TMEM9B: variants seen among roughly 807,000 people sequenced by gnomAD.
TMEM9B encodes the protein TMEM9 domain family member B, also known as transmembrane protein 9B.
In TMEM9B, 8 loss-of-function variants were observed where a neutral mutation model predicts 23.5. The ratio of observed to expected loss-of-function variants is 0.34; its 90% confidence interval spans 0.20 to 0.61. The LOEUF (loss-of-function observed/expected upper bound fraction) is 0.61. Among genes scored for constraint, TMEM9B ranks in the 20% least tolerant of loss-of-function variants. The pLI is 0.78. For missense variants in TMEM9B, 197 were observed against 252.3 expected (o/e 0.78, Z 1.49); for synonymous variants, 106 against 96.3 (o/e 1.10, Z -0.59).
rs1853816034 is a variant in TMEM9B, at chr11:8,948,466, G to C, written c.451C>G (p.Pro151Ala). Reference protein sequence around the residue: ...QSDDDIGDHQPFANAHDVLAR... With the variant: ...QSDDDIGDHQAFANAHDVLAR... ...AGCACATCGTGTGCATTTGCAAAAG[G>C]CTGGTGATCCTAAAAGTCCAGGAAT... The change falls in exon 5 of 5, where the codon CCT (proline) becomes GCT (alanine). Residue 151 changes from proline to alanine, a missense_variant. By Grantham distance (27) the Pro-to-Ala change is conservative. Coordinates refer to ENST00000534025, the MANE Select transcript of TMEM9B (RefSeq NM_020644.3). The C allele has an allele frequency of 6.2e-7, 1 of 1,613,772 alleles. No homozygotes were observed. The highest frequency in any genetic ancestry group is 1.7e-5 in the Admixed American group (1 of 59,966).
rs1589949634 is a variant in TMEM9B at position 8,963,132 on chromosome 11, A to G, written c.106-949T>C. ...GTAAAGGAGACTGAAAAATAAATAC[A>G]TGATCACAATACATAAAGTTATGAG... On this transcript the variant is annotated intron_variant, in intron 1 of 4. Coordinates refer to ENST00000534025, the MANE Select transcript of TMEM9B (RefSeq NM_020644.3). 2.0e-5 allele frequency among the ~76,000 whole-genome samples: 3 copies of G among 152,348 alleles called. No homozygotes were observed. In the Middle Eastern group the frequency reaches 0.01, roughly 518 times the overall value.
At chr11:8,951,650 T>C (rs952653693) in intron 4 of TMEM9B, among the ~76,000 whole-genome samples, 3 of 150,108 alleles carry the variant, frequency 2.0e-5, no homozygotes, top group African/African-American at 4.9e-5. Flanking sequence ...TCCAGCTACT[T>C]GGGAGGCTGA....
In TMEM9B at chr11:8,964,369, G is replaced by GGGCTC. The variant is rs1555229147; in HGVS notation, c.-61_-57dup. ...AGCCCCCGCGACCGGCTCCCGGCTC[G>GGGCTC]GGCTCAGGCTCAGGCTCAGGCTCAG... On this transcript the variant is annotated 5_prime_UTR_variant, in exon 1 of 5. Transcript: ENST00000534025. The GGGCTC allele has an allele frequency of 4.7e-5, 72 of 1,516,026 alleles. No individual in the cohort carries two copies. The highest frequency in any genetic ancestry group is 7.9e-6 in the Non-Finnish European group (9 of 1,135,108). 93.9% of individuals were successfully genotyped at this position (1,516,026 alleles called of 1,614,324 possible).
intron 4 of TMEM9B, among the ~76,000 whole-genome samples, chr11:8,949,868 C>T (rs1296014926): frequency 6.7e-6 from 1 of 149,442 alleles, no homozygotes; most frequent in Admixed American, 6.8e-5. Flanking sequence ...CACTATATTG[C>T]CCAGACTGGC....
chr11:8,964,037 C>T (rs2134880757), intron 1 of TMEM9B, 172 bp downstream of exon 1: 1 of 644,898 alleles, frequency 1.6e-6, no homozygotes, highest in East Asian at 3.1e-5. Flanking sequence ...GCGAGAGTGC[C>T]GCCGGGCAGT....
chr11:8,964,586 T>C, upstream of TMEM9B: 1 of 832,210 alleles, frequency 1.2e-6, no homozygotes, highest in Non-Finnish European at 1.7e-6. Context: ...GAAGGGGGCC[T>C]CTGGGGTGGC....
chr11:8,958,155 G>A (rs1406350486), intron 2 of TMEM9B, among the ~76,000 whole-genome samples: 2 of 39,404 alleles, frequency 5.1e-5, no homozygotes, highest in Non-Finnish European at 8.9e-5. Flanking sequence ...GCGAAACTCC[G>A]TCTCAAAAAA....
Position 8,948,376 on chromosome 11 carries a change from G to A in TMEM9B, c.541C>T (p.Leu181Phe), listed in dbSNP as rs537280182. ...KVEYAQQRWKLQVQEQRKSVF... is the reference protein window; with the variant it reads ...KVEYAQQRWKFQVQEQRKSVF... The stretch of plus-strand genomic sequence containing the variant: ...GACTTTCGCTGCTCTTGGACTTGAA[G>A]CTTCCAGCGCTGCTGTGCATATTCT... The change falls in exon 5 of 5, where the codon CTT becomes TTT. Residue 181 changes from leucine (L) to phenylalanine (F), a missense_variant. This residue lies in a region of TMEM9B where 141 missense variants were observed against 214.1 expected (regional missense o/e 0.66). Transcript: ENST00000534025. The A allele has an allele frequency of 6.2e-7, 1 of 1,614,234 alleles. No individual in the cohort carries two copies. The highest frequency in any genetic ancestry group is 1.1e-5 in the South Asian group (1 of 91,090).
chr11:8,962,112 CTTA>C lies in TMEM9B; in HGVS notation c.174_176del (p.Asn58del). On this transcript the variant is annotated inframe_deletion, in exon 2 of 5. Transcript: ENST00000534025. ...CTTACCAATCTTTCTGAGATATGTT[CTTA>C]TTATAAATATGCCCAGAATTTTCTT... 1.3e-6 allele frequency: 2 copies of C among 1,596,068 alleles called. No individual in the cohort carries two copies. The highest frequency in any genetic ancestry group is 8.5e-7 in the Non-Finnish European group (1 of 1,172,394).
chr11:8,947,275 A>G lies in TMEM9B; in HGVS notation c.*1045T>C, dbSNP rs1465473047. On this transcript the variant is annotated 3_prime_UTR_variant, in exon 5 of 5. Transcript: ENST00000534025. ...AGGGAGGAGGAAAAAACTAGGAGAC[A>G]TAGATAGATACACTGATGGATGTTT... 3.9e-5 allele frequency: 6 copies of G among 152,780 alleles called. No individual in the cohort carries two copies. In the East Asian group the frequency reaches 1.2e-3, roughly 29 times the overall value. The allele number at this position is 152,780 out of a possible 1,614,324, so 9.5% of individuals were successfully genotyped here.
chr11:8,948,477 TA>T lies in TMEM9B; in HGVS notation c.442-3del, dbSNP rs755237133. 1 of 1,613,538 alleles carries T rather than the reference TA, an allele frequency of 6.2e-7. No individual in the cohort carries two copies. The highest frequency in any genetic ancestry group is 1.1e-5 in the South Asian group (1 of 91,002). On this transcript the variant is annotated splice_region_variant and splice_polypyrimidine_tract_variant and intron_variant, in intron 4 of 4. Transcript: ENST00000534025. ...TGCATTTGCAAAAGGCTGGTGATCCTAAAAGTCCAGGAATGGAGAACATTAG... is the reference window on the plus strand; with the variant it reads ...TGCATTTGCAAAAGGCTGGTGATCCTAAAGTCCAGGAATGGAGAACATTAG...
Position 8,948,273 on chromosome 11 carries a change from C to T in TMEM9B, c.*47G>A. On this transcript the variant is annotated 3_prime_UTR_variant, in exon 5 of 5. Coordinates refer to ENST00000534025, the MANE Select transcript of TMEM9B (RefSeq NM_020644.3). ...CCAGCAAAACCCAGTCAGTTCTTTC[C>T]AGTTGTCTGCCTGTTTCTTTCTAGT... is the stretch of plus-strand genomic sequence containing the variant. 1 of 1,586,884 alleles carries T rather than the reference C, an allele frequency of 6.3e-7. No homozygotes were observed. The highest frequency in any genetic ancestry group is 8.6e-7 in the Non-Finnish European group (1 of 1,164,666).
chr11:8,955,099 C>T (rs996231826), intron 3 of TMEM9B, among the ~76,000 whole-genome samples: 2 of 139,220 alleles, frequency 1.4e-5, no homozygotes, highest in Non-Finnish European at 3.0e-5. Flanking sequence ...TGCAGTGAGC[C>T]AAGATTACAC....
intron 4 of TMEM9B, among the ~76,000 whole-genome samples, chr11:8,952,470 T>C (rs543288062): frequency 6.6e-6 from 1 of 152,152 alleles, no homozygotes; most frequent in South Asian, 2.1e-4. Flanking sequence ...TGGAGTCCTA[T>C]GGTGTGATCA....
intron 1 of TMEM9B, 57 bp downstream of exon 1, chr11:8,964,151 CG>C: frequency 6.6e-7 from 1 of 1,522,306 alleles, no homozygotes; most frequent in Non-Finnish European, 8.9e-7. Context: ...ACCCAGTTTC[CG>C]CAAGGCCGGT....
intron 2 of TMEM9B, among the ~76,000 whole-genome samples, chr11:8,958,170 A>T (rs914379140): frequency 1.8e-4 from 27 of 150,014 alleles, no homozygotes; most frequent in Non-Finnish European, 4.0e-4. Flanking sequence ...AAAAAAAAAA[A>T]AAAAAAAAAA....
intron 3 of TMEM9B, 88 bp downstream of exon 3, chr11:8,956,102 A>G: frequency 7.9e-7 from 1 of 1,273,224 alleles, no homozygotes; most frequent in Non-Finnish European, 1.1e-6. Flanking sequence ...AGGGGTCCAA[A>G]TTTTTCTGTC....
chr11:8,951,228 G>C (rs1251019904), intron 4 of TMEM9B, among the ~76,000 whole-genome samples: 1 of 152,194 alleles, frequency 6.6e-6, no homozygotes, highest in Non-Finnish European at 1.5e-5. Context: ...ATTTAACGCT[G>C]TAAAGGAAGG....
chr11:8,963,481 A>G (rs1181238999), intron 1 of TMEM9B, among the ~76,000 whole-genome samples: 1 of 152,236 alleles, frequency 6.6e-6, no homozygotes, highest in Admixed American at 6.5e-5. Flanking sequence ...ACCAGAGAAC[A>G]GTATGAGGGA....
Sources: allele counts gnomAD v4.1 joint callset (sites outside exome capture counted in the v4.1 genomes callset), GRCh38; gene constraint gnomAD v4.1.1; regional missense constraint gnomAD v4.1.1; transcripts MANE v1.5; gene names NCBI Gene and HGNC (gene_info 2026-07-23, HGNC 2026-07-21).